Variants in MAPK1IP1L observed in about 807,000 individuals in gnomAD.
MAPK1IP1L encodes the protein MAPK-interacting and spindle-stabilizing protein-like.
A neutral mutation model predicts 18.1 loss-of-function variants in MAPK1IP1L; 10 were observed. That is an observed-to-expected ratio of 0.55 (90% CI 0.34 to 0.94). The LOEUF (loss-of-function observed/expected upper bound fraction) is 0.94. MAPK1IP1L is among the 40% of genes least tolerant of loss of function. The pLI is 0.02. For synonymous variants in MAPK1IP1L, 115 were observed against 117.3 expected (o/e 0.98, Z 0.13); for missense variants, 260 against 318.2 (o/e 0.82, Z 1.39).
chr14:55,055,544 G>A (rs1190623124), intron 1 of MAPK1IP1L, among the ~76,000 whole-genome samples: 1 of 152,184 alleles, frequency 6.6e-6, no homozygotes, highest in African/African-American at 2.4e-5. Context: ...AGCGTATACA[G>A]CATGGATACA....
In MAPK1IP1L at chr14:55,059,225, GAAAA is replaced by G. The variant is rs3078612; in HGVS notation, c.-4-2438_-4-2435del. Among the ~76,000 whole-genome samples, 411 of 63,270 alleles carry G rather than the reference GAAAA, an allele frequency of 6.5e-3. 1 individual carries two copies. Among genetic ancestry groups the G allele is most frequent in the Non-Finnish European group, 7.4e-3 (241 of 32,730 alleles). The allele number at this position is 63,270 out of a possible 152,430, so 41.5% of individuals were successfully genotyped here. A position where few individuals can be genotyped will look rare whatever the true frequency, so the allele number is the denominator to read the frequency against. On this transcript the variant is annotated intron_variant, in intron 1 of 3. Coordinates refer to ENST00000395468, the MANE Select transcript of MAPK1IP1L (RefSeq NM_144578.4). ...AAAATAAAAATACATAGGAAAATCT[GAAAA>G]AAAAAAAAAAAAAAAAGACAGTAGG...
chr14:55,055,140 T>A (rs1745267038), intron 1 of MAPK1IP1L, among the ~76,000 whole-genome samples: 1 of 152,204 alleles, frequency 6.6e-6, no homozygotes, highest in Admixed American at 6.5e-5. Flanking sequence ...TTTATTTATT[T>A]TTCTTTTTGA....
Position 55,066,245 on chromosome 14 carries a change from C to T in MAPK1IP1L, c.*1618C>T, listed in dbSNP as rs931646311. The T allele has an allele frequency of 6.6e-6, 1 of 152,142 alleles. No individual in the cohort carries two copies. The highest frequency in any genetic ancestry group is 1.5e-5 in the Non-Finnish European group (1 of 68,030). 9.4% of individuals were successfully genotyped at this position (152,142 alleles called of 1,614,324 possible). A position where few individuals can be genotyped will look rare whatever the true frequency, so the allele number is the denominator to read the frequency against. On this transcript the variant is annotated 3_prime_UTR_variant, in exon 4 of 4. Coordinates refer to ENST00000395468, the MANE Select transcript of MAPK1IP1L (RefSeq NM_144578.4). ...TGCCAGTTTTTTGGTTTGATAGCTA[C>T]CTCCTTCTAAGAAAGCAAAATGGTT...
intron 1 of MAPK1IP1L, among the ~76,000 whole-genome samples, chr14:55,053,992 C>G (rs2042750665): frequency 6.6e-6 from 1 of 151,950 alleles, no homozygotes; most frequent in African/African-American, 2.4e-5. Flanking sequence ...GTTGAGCATC[C>G]AAAATCCAGA....
intron 2 of MAPK1IP1L, among the ~76,000 whole-genome samples, chr14:55,062,259 A>G (rs1399191227): frequency 2.0e-5 from 3 of 152,218 alleles, no homozygotes; most frequent in South Asian, 2.1e-4. Flanking sequence ...TCTATCTCAG[A>G]GTATGTAGCT....
In MAPK1IP1L at chr14:55,062,735, C is replaced by T; in HGVS notation, c.136C>T (p.Pro46Ser). 1 of 1,614,182 alleles carries T rather than the reference C, an allele frequency of 6.2e-7. No individual in the cohort carries two copies. The highest frequency in any genetic ancestry group is 8.5e-7 in the Non-Finnish European group (1 of 1,180,022). ...GSNPWNNPSA[P>S]SSVPSGLPPS... ...CAACCCTTGGAATAATCCGAGTGCT[C>T]CATCTTCAGTGCCATCTGGACTCCC... Residue 46 changes from proline to serine, a missense_variant, in exon 3 of 4, where the codon CCA (proline) becomes TCA (serine). Pro to Ser is a moderately conservative substitution (Grantham distance 74). Transcript: ENST00000395468.
At position 55,067,085 on chromosome 14, in the gene MAPK1IP1L, T is replaced by C; in HGVS notation, c.*2458T>C. Reference sequence around the variant, plus strand: ...GCTAATTTTTTTTTTTTTTTTTTTTTAGTAGAGATGGGGTTTCACTGTGTT... The same window carrying C: ...GCTAATTTTTTTTTTTTTTTTTTTTCAGTAGAGATGGGGTTTCACTGTGTT... On this transcript the variant is annotated 3_prime_UTR_variant, in exon 4 of 4. Transcript: ENST00000395468. 1 of 145,150 alleles carries C rather than the reference T, an allele frequency of 6.9e-6. No homozygotes were observed. The highest frequency in any genetic ancestry group is 1.5e-5 in the Non-Finnish European group (1 of 66,442). The allele number at this position is 145,150 out of a possible 1,614,324, so 9.0% of individuals were successfully genotyped here.
intron 1 of MAPK1IP1L, among the ~76,000 whole-genome samples, chr14:55,058,974 AAATACTAC>A (rs1451582941): frequency 1.4e-4 from 21 of 152,000 alleles, no homozygotes; most frequent in Non-Finnish European, 2.2e-4. Context: ...GGTTATATGC[AAATACTAC>A]ACCATTTTAT....
At chr14:55,059,225 G>GAAAAAAAAAA (rs3078612) in intron 1 of MAPK1IP1L, among the ~76,000 whole-genome samples, 62 of 63,266 alleles carry the variant, frequency 9.8e-4, no homozygotes, top group Non-Finnish European at 1.3e-3. Flanking sequence ...AGGAAAATCT[G>GAAAAAAAAAA]AAAAAAAAAA....
At position 55,069,456 on chromosome 14, in the gene MAPK1IP1L, G is replaced by A. The variant is rs2042889619; in HGVS notation, c.*4829G>A. ...TTATAATTAGGAATAGGCTATGGAT[G>A]TGATACTTGGTATTTTTTAAGATAA... On this transcript the variant is annotated 3_prime_UTR_variant, in exon 4 of 4. Coordinates refer to ENST00000395468, the MANE Select transcript of MAPK1IP1L (RefSeq NM_144578.4). 6.6e-6 allele frequency: 1 copy of A among 152,644 alleles called. No individual in the cohort carries two copies. Among genetic ancestry groups the A allele is most frequent in the Non-Finnish European group, 1.5e-5 (1 of 68,052 alleles). 9.5% of individuals were successfully genotyped at this position (152,644 alleles called of 1,614,324 possible).
rs1287778576 is a variant in MAPK1IP1L, at chr14:55,062,642, T to C, written c.43T>C (p.Ser15Pro). 6.2e-7 allele frequency: 1 copy of C among 1,613,504 alleles called. No individual in the cohort carries two copies. The highest frequency in any genetic ancestry group is 2.2e-5 in the East Asian group (1 of 44,874). The part of the protein sequence containing the change: ...FSLADALPEH[S>P]PAKTSAVSNT... ...GTTGGCAGATGCACTACCTGAACAC[T>C]CCCCTGCCAAAACCTCTGCTGTGAG... Residue 15 changes from serine (S) to proline (P), a missense_variant, in exon 3 of 4, where the codon TCC (serine) becomes CCC (proline). Ser to Pro is a moderately conservative substitution (Grantham distance 74). Coordinates refer to ENST00000395468, the MANE Select transcript of MAPK1IP1L (RefSeq NM_144578.4).
chr14:55,054,177 C>A (rs373598533), intron 1 of MAPK1IP1L, among the ~76,000 whole-genome samples: 2 of 127,290 alleles, frequency 1.6e-5, no homozygotes, highest in Non-Finnish European at 3.3e-5. Context: ...TTTATATTTT[C>A]TTTTTTTTTT....
chr14:55,070,083 G>C lies in MAPK1IP1L; in HGVS notation c.*5456G>C, dbSNP rs1388065550. On this transcript the variant is annotated 3_prime_UTR_variant, in exon 4 of 4. Transcript: ENST00000395468. ...TTGCCTTATGATTGGACAAAATGCA[G>C]CTGTAAAATTTTAAATTGTTTTTGA... is the stretch of plus-strand genomic sequence containing the variant. 6.6e-6 allele frequency: 1 copy of C among 152,172 alleles called. No individual in the cohort carries two copies. Among genetic ancestry groups the C allele is most frequent in the Admixed American group, 6.6e-5 (1 of 15,264 alleles). The allele number at this position is 152,172 out of a possible 1,614,324, so 9.4% of individuals were successfully genotyped here. A position where few individuals can be genotyped will look rare whatever the true frequency, so the allele number is the denominator to read the frequency against.
chr14:55,063,382 T>C, intron 3 of MAPK1IP1L, 57 bp downstream of exon 3: 1 of 1,419,378 alleles, frequency 7.0e-7, no homozygotes, highest in Non-Finnish European at 9.6e-7. Flanking sequence ...CAACTGACAT[T>C]GTTTCTCCCC....
intron 1 of MAPK1IP1L, chr14:55,060,282 C>T (rs1312587404): frequency 1.3e-5 from 2 of 149,798 alleles, no homozygotes; most frequent in Non-Finnish European, 3.0e-5. Flanking sequence ...TGCCATTCTC[C>T]TGCCTCAGCC....
At chr14:55,058,346 T>G (rs933373447) in intron 1 of MAPK1IP1L, among the ~76,000 whole-genome samples, 12 of 152,190 alleles carry the variant, frequency 7.9e-5, no homozygotes, top group African/African-American at 2.9e-4. Flanking sequence ...ACTAAAATTT[T>G]AAAACCCTGT....
At chr14:55,052,731 G>A (rs982311011) in intron 1 of MAPK1IP1L, among the ~76,000 whole-genome samples, 2 of 152,142 alleles carry the variant, frequency 1.3e-5, no homozygotes, top group African/African-American at 4.8e-5. Context: ...TGTTCTTTGG[G>A]GGAAGAATAG....
chr14:55,067,833 C>G lies in MAPK1IP1L; in HGVS notation c.*3206C>G, dbSNP rs1458641039. ...AGGGGGATACAGATTATAGAATATG[C>G]TGACATTTGGGCTTCAGAGGAAGAA... On this transcript the variant is annotated 3_prime_UTR_variant, in exon 4 of 4. Coordinates refer to ENST00000395468, the MANE Select transcript of MAPK1IP1L (RefSeq NM_144578.4). 6.6e-6 allele frequency: 1 copy of G among 152,170 alleles called. No homozygotes were observed. Among genetic ancestry groups the G allele is most frequent in the African/African-American group, 2.4e-5 (1 of 41,426 alleles). 9.4% of individuals were successfully genotyped at this position (152,170 alleles called of 1,614,324 possible).
Position 55,065,414 on chromosome 14 carries a change from A to AG in MAPK1IP1L, c.*789dup. The AG allele has an allele frequency of 6.6e-6, 1 of 152,332 alleles. No individual in the cohort carries two copies. Among genetic ancestry groups the AG allele is most frequent in the East Asian group, 1.9e-4 (1 of 5,186 alleles). The allele number at this position is 152,332 out of a possible 1,614,324, so 9.4% of individuals were successfully genotyped here. A position where few individuals can be genotyped will look rare whatever the true frequency, so the allele number is the denominator to read the frequency against. On this transcript the variant is annotated 3_prime_UTR_variant, in exon 4 of 4. Transcript: ENST00000395468. ...TGCATATTGCTTTGGGAAGAGCTCG[A>AG]GGAAGGAAATAATTCTCTCCTTTGT...
Sources: allele counts gnomAD v4.1 joint callset (sites outside exome capture counted in the v4.1 genomes callset), GRCh38; gene constraint gnomAD v4.1.1; transcripts MANE v1.5; gene names NCBI Gene and HGNC (gene_info 2026-07-23, HGNC 2026-07-21).